The following MAP3K15 variants were observed in gnomAD, a reference collection of about 807,000 sequenced individuals.
MAP3K15 encodes mitogen-activated protein kinase kinase kinase 15, also known as MAPK/ERK kinase kinase 15.
MAP3K15 carries 124 observed loss-of-function variants against 99.5 expected under a neutral mutation model. That is an observed-to-expected ratio of 1.25 (90% CI 1.08 to 1.45). The LOEUF (loss-of-function observed/expected upper bound fraction) is 1.45, where lower values mean the gene tolerates loss of function less well. Ranked by LOEUF, MAP3K15 falls within the 40% of genes most tolerant of loss-of-function variation. The pLI, the probability that MAP3K15 is intolerant of heterozygous loss-of-function variation, is 0.00. For missense variants in MAP3K15, 1,242 were observed against 1,079.7 expected (o/e 1.15, Z -2.11); for synonymous variants, 494 against 439.6 (o/e 1.12, Z -1.55).
At chrX:19,392,980 T>C (rs997628642) in intron 16 of MAP3K15, among the ~76,000 whole-genome samples, 3 of 110,046 alleles carry the variant, frequency 2.7e-5, no homozygotes, top group African/African-American at 9.9e-5. Context: ...GGAAGTTGGG[T>C]CTCTCTGTCC....
chrX:19,489,033 G>C lies in MAP3K15; in HGVS notation c.362-66C>G, dbSNP rs895150090. 5 of 1,020,447 alleles carry C rather than the reference G, an allele frequency of 4.9e-6. No individual in the cohort carries two copies. In the African/African-American group the frequency reaches 5.6e-5, roughly 11 times the overall value. The allele number at this position is 1,020,447 out of a possible 1,213,427, so 84.1% of individuals were successfully genotyped here. A position where few individuals can be genotyped will look rare whatever the true frequency, so the allele number is the denominator to read the frequency against. On this transcript the variant is annotated intron_variant, in intron 1 of 28. Coordinates refer to ENST00000338883, the MANE Select transcript of MAP3K15 (RefSeq NM_001001671.4). ...CTGTCTACTTCATCTACTCACTGGTGATCACCAGTGAGGAGCTATAGCAAT... is the reference window on the plus strand; with the variant it reads ...CTGTCTACTTCATCTACTCACTGGTCATCACCAGTGAGGAGCTATAGCAAT...
rs748083573 is a variant in MAP3K15, at chrX:19,463,300, A to T, written c.719+913T>A. On this transcript the variant is annotated intron_variant, in intron 4 of 28. Transcript: ENST00000338883. ...GGGATAGAAAAGGAGACCATTAATA[A>T]GTGTCTCCCTTGTACCAACACTACA... Among the ~76,000 whole-genome samples, 4 of 111,816 alleles carry T rather than the reference A, an allele frequency of 3.6e-5. 1 individual carries two copies. The highest frequency in any genetic ancestry group is 1.3e-4 in the African/African-American group (4 of 30,792).
At chrX:19,484,594 G>A (rs1024004664) in intron 3 of MAP3K15, among the ~76,000 whole-genome samples, 1 of 111,949 alleles carries the variant, frequency 8.9e-6, no homozygotes, top group African/African-American at 3.2e-5. Flanking sequence ...TAGTGGAATT[G>A]TAACAGCGTG....
intron 13 of MAP3K15, among the ~76,000 whole-genome samples, chrX:19,401,646 C>T (rs933352302): frequency 7.2e-5 from 8 of 111,476 alleles, no homozygotes; most frequent in African/African-American, 1.6e-4. Flanking sequence ...GAGGAGGAAA[C>T]GCATAAGGTG....
chrX:19,458,302 G>T (rs2064108415), intron 5 of MAP3K15, among the ~76,000 whole-genome samples: 1 of 112,399 alleles, frequency 8.9e-6, no homozygotes, highest in African/African-American at 3.2e-5. Flanking sequence ...AGGGAAGAAA[G>T]GCTTCAAGAA....
At chrX:19,400,209 C>G (rs1424350083) in intron 14 of MAP3K15, among the ~76,000 whole-genome samples, 1 of 112,031 alleles carries the variant, frequency 8.9e-6, no homozygotes, top group African/African-American at 3.2e-5. Flanking sequence ...ATAGTATATG[C>G]ACATAGCTAT....
chrX:19,489,929 G>A (rs993888181), intron 1 of MAP3K15, among the ~76,000 whole-genome samples: 30 of 110,401 alleles, frequency 2.7e-4, no homozygotes, highest in African/African-American at 6.9e-4. Context: ...CCAGCTACTC[G>A]GGAGGCTAAG....
At position 19,361,429 on chromosome X, in the gene MAP3K15, C is replaced by T. The variant is rs1358338797; in HGVS notation, c.3781-14G>A. ...CTCTTCAACAATCTGAAACAAAGAT[C>T]AGATCCTTAAGAGCTGAGCAGCTGT... is the stretch of plus-strand genomic sequence containing the variant. On this transcript the variant is annotated splice_polypyrimidine_tract_variant and intron_variant, in intron 27 of 28. Transcript: ENST00000338883. 3 of 1,199,937 alleles carry T rather than the reference C, an allele frequency of 2.5e-6. No individual in the cohort carries two copies. The highest frequency in any genetic ancestry group is 3.4e-6 in the Non-Finnish European group (3 of 885,321).
At chrX:19,461,503 T>A (rs1383894611) in intron 4 of MAP3K15, among the ~76,000 whole-genome samples, 1 of 112,853 alleles carries the variant, frequency 8.9e-6, no homozygotes, top group Admixed American at 9.4e-5. Flanking sequence ...CGCTGGAATA[T>A]CACCATAGTC....
chrX:19,363,905 G>A (rs1193090600), intron 25 of MAP3K15, among the ~76,000 whole-genome samples: 25 of 110,697 alleles, frequency 2.3e-4, no homozygotes, highest in African/African-American at 6.3e-4. Flanking sequence ...CACCTGCCTC[G>A]GCCTCCCAAA....
chrX:19,478,430 T>C (rs750160705), intron 3 of MAP3K15, among the ~76,000 whole-genome samples: 2 of 107,454 alleles, frequency 1.9e-5, no homozygotes, highest in South Asian at 8.6e-4. Context: ...GCAATCCATA[T>C]CATCTTTGAT....
chrX:19,360,741 G>GAT lies in MAP3K15; in HGVS notation c.*6_*7dup. 2.5e-6 allele frequency: 3 copies of GAT among 1,195,820 alleles called. No homozygotes were observed. Among genetic ancestry groups the GAT allele is most frequent in the Non-Finnish European group, 3.4e-6 (3 of 882,779 alleles). On this transcript the variant is annotated 3_prime_UTR_variant, in exon 29 of 29. Transcript: ENST00000338883. ...TGGGACACTCTGCCACAGCTTAGCT[G>GAT]ATTGGTATCAAGCCTTGTCTTTGGT...
rs1206509118 is a variant in MAP3K15 at position 19,514,870 on chromosome X, G to A, written c.361+31C>T. ...TGGCTCGTGTGAGGGTAGGTGAACT[G>A]GGACTGAGGTGGGGACGAAGCCGCT... On this transcript the variant is annotated intron_variant, in intron 1 of 28. Transcript: ENST00000338883. The A allele has an allele frequency of 8.2e-6, 8 of 977,332 alleles. No homozygotes were observed. The Admixed American group carries it at 2.2e-4, about 26-fold the overall frequency. 80.5% of individuals were successfully genotyped at this position (977,332 alleles called of 1,213,427 possible).
chrX:19,471,883 T>C (rs908412674), intron 3 of MAP3K15, among the ~76,000 whole-genome samples: 33 of 111,774 alleles, frequency 3.0e-4, no homozygotes, highest in African/African-American at 1.0e-3. Context: ...ATGAACACTT[T>C]CAGATCAACA....
chrX:19,486,366 C>T (rs767912908), intron 3 of MAP3K15, 116 bp downstream of exon 3: 1 of 299,585 alleles, frequency 3.3e-6, no homozygotes, highest in African/African-American at 2.8e-5. Context: ...AGAAACACAA[C>T]CCACAGGCGT....
In MAP3K15 at chrX:19,515,403, G is replaced by T; in HGVS notation, c.-142C>A. 1 of 306,054 alleles carries T rather than the reference G, an allele frequency of 3.3e-6. No homozygotes were observed. The highest frequency in any genetic ancestry group is 4.6e-6 in the Non-Finnish European group (1 of 217,578). 25.2% of individuals were successfully genotyped at this position (306,054 alleles called of 1,213,427 possible). On this transcript the variant is annotated 5_prime_UTR_variant, in exon 1 of 29. Coordinates refer to ENST00000338883, the MANE Select transcript of MAP3K15 (RefSeq NM_001001671.4). ...GCTACGGGAATCGAGGGAACGGAGC[G>T]CACCGGGGACCCCGCGGCGGGCCGA... is the stretch of plus-strand genomic sequence containing the variant.
At chrX:19,424,349 G>C (rs147524866) in intron 9 of MAP3K15, among the ~76,000 whole-genome samples, 3,704 of 103,449 alleles carry the variant, frequency 0.036, 186 homozygotes, top group African/African-American at 0.13. Context: ...TATGCTTTAA[G>C]TTCTAGGGTA....
At chrX:19,511,163 A>G (rs1445961739) in intron 1 of MAP3K15, among the ~76,000 whole-genome samples, 3 of 111,955 alleles carry the variant, frequency 2.7e-5, no homozygotes, top group Non-Finnish European at 5.6e-5. Flanking sequence ...TTATACAAAA[A>G]TTAACTCAAG....
chrX:19,452,118 GAGA>G (rs2064047079), intron 6 of MAP3K15, among the ~76,000 whole-genome samples: 2 of 10 alleles, frequency 0.2, no homozygotes, highest in Admixed American at 0.5. Context: ...GAGAAGAGAA[GAGA>G]AGAGAAGAGA....
Sources: allele counts gnomAD v4.1 joint callset (sites outside exome capture counted in the v4.1 genomes callset), GRCh38; gene constraint gnomAD v4.1.1; transcripts MANE v1.5; gene names NCBI Gene and HGNC (gene_info 2026-07-23, HGNC 2026-07-21).